CERS3: variants seen among roughly 807,000 people sequenced by gnomAD.
CERS3 encodes the protein LAG1 homolog, ceramide synthase 3.
In CERS3, 33 loss-of-function variants were observed where a neutral mutation model predicts 50.3. That is an observed-to-expected ratio of 0.66 (90% CI 0.50 to 0.88). CERS3 has a LOEUF of 0.88. Among genes scored for constraint, CERS3 ranks in the 40% least tolerant of loss-of-function variants. The pLI is 0.00. For missense variants in CERS3, 470 were observed against 460.3 expected (o/e 1.02, Z -0.19); for synonymous variants, 176 against 155.2 (o/e 1.13, Z -0.99).
intron 11 of CERS3, among the ~76,000 whole-genome samples, chr15:100,454,734 G>C (rs554171341): frequency 2.6e-5 from 4 of 152,188 alleles, no homozygotes; most frequent in Middle Eastern, 3.4e-3. Flanking sequence ...ATTAAACTAA[G>C]AAGCTTCTGT....
At chr15:100,467,915 T>C (rs1055196023) in intron 10 of CERS3, among the ~76,000 whole-genome samples, 2 of 146,216 alleles carry the variant, frequency 1.4e-5, no homozygotes, top group African/African-American at 2.6e-5. Flanking sequence ...AAAGACAGGG[T>C]CTCACTATGT....
intron 3 of CERS3, 135 bp from the exon 4 acceptor site, chr15:100,491,066 G>A: frequency 1.8e-6 from 1 of 564,820 alleles, no homozygotes. Context: ...GCTACGTACA[G>A]CCAAAATCTG....
intron 11 of CERS3, among the ~76,000 whole-genome samples, chr15:100,425,505 T>C (rs959081603): frequency 6.6e-6 from 1 of 152,174 alleles, no homozygotes; most frequent in African/African-American, 2.4e-5. Flanking sequence ...CAGACTTCCA[T>C]GGGGCCTGTA....
chr15:100,499,638 A>G (rs1333171282), intron 3 of CERS3, among the ~76,000 whole-genome samples: 3 of 152,242 alleles, frequency 2.0e-5, no homozygotes, highest in Non-Finnish European at 2.9e-5. Context: ...AATGCAGTCT[A>G]GAACAAAAGA....
At chr15:100,441,648 C>T (rs556560962) in intron 11 of CERS3, among the ~76,000 whole-genome samples, 19 of 152,220 alleles carry the variant, frequency 1.2e-4, no homozygotes, top group East Asian at 1.9e-4. Flanking sequence ...TCTGCAATGC[C>T]GCTTGACCCC....
At chr15:100,525,310 A>G (rs982106327) in intron 1 of CERS3, among the ~76,000 whole-genome samples, 14 of 152,200 alleles carry the variant, frequency 9.2e-5, no homozygotes, top group African/African-American at 2.9e-4. Flanking sequence ...ATCTCCACAG[A>G]TTTTCCAGTG....
chr15:100,418,453 G>C (rs960774839), intron 11 of CERS3, among the ~76,000 whole-genome samples: 5 of 149,860 alleles, frequency 3.3e-5, no homozygotes, highest in African/African-American at 1.2e-4. Context: ...ATCTACGTCT[G>C]ATTGGTGTAC....
intron 1 of CERS3, among the ~76,000 whole-genome samples, chr15:100,540,671 A>G (rs1176056410): frequency 6.6e-6 from 1 of 152,224 alleles, no homozygotes; most frequent in African/African-American, 2.4e-5. Context: ...CTGCAATACA[A>G]CTTGATCAGA....
chr15:100,472,963 G>T lies in CERS3; in HGVS notation c.699C>A (p.Leu233=), dbSNP rs923695523. 3 of 1,613,888 alleles carry T rather than the reference G, an allele frequency of 1.9e-6. No homozygotes were observed. The South Asian group carries it at 3.3e-5, about 18-fold the overall frequency. The change falls in exon 9 of 12, where the codon CTC becomes CTA. Residue 233 remains leucine, a synonymous_variant. Coordinates refer to ENST00000679737, the MANE Select transcript of CERS3 (RefSeq NM_001378789.1). ...WCANYIRSGT[L]VMIVHDVADI... is the part of the protein sequence containing the mutation. ...CAGCCACATCGTGTACAATCATCAC[G>T]AGGGTCCCACTGCGAATATAATTAG...
intron 7 of CERS3, among the ~76,000 whole-genome samples, chr15:100,477,602 G>C (rs750979214): frequency 6.6e-6 from 1 of 152,192 alleles, no homozygotes; most frequent in Non-Finnish European, 1.5e-5. Flanking sequence ...TTCTTGAGAA[G>C]TACTGTAGGC....
chr15:100,473,050 A>G lies in CERS3; in HGVS notation c.612T>C (p.Asp204=). The stretch of plus-strand genomic sequence containing the variant: ...GGTGGTGGATGATATGAGCTAGAAA[A>G]TCCTGTAAGATGAGGGAAAATGGAA... The part of the protein sequence containing the change: ...FRLGFDVKRK[D]FLAHIIHHLA... Residue 204 remains aspartate, a splice_region_variant and synonymous_variant, in exon 9 of 12, where the codon GAT becomes GAC. Transcript: ENST00000679737. 1 of 1,611,666 alleles carries G rather than the reference A, an allele frequency of 6.2e-7. No homozygotes were observed.
chr15:100,506,218 T>C (rs1245604962), intron 2 of CERS3, among the ~76,000 whole-genome samples: 1 of 152,136 alleles, frequency 6.6e-6, no homozygotes, highest in Non-Finnish European at 1.5e-5. Flanking sequence ...GTGGTTAGAA[T>C]ATGTAAAGGA....
At chr15:100,420,550 G>C (rs937735502) in intron 11 of CERS3, among the ~76,000 whole-genome samples, 6 of 151,854 alleles carry the variant, frequency 4.0e-5, no homozygotes, top group Admixed American at 2.0e-4. Context: ...CCAATCAATA[G>C]AAAAAGAGGG....
At chr15:100,510,313 T>C (rs1156680177) in intron 2 of CERS3, among the ~76,000 whole-genome samples, 1 of 152,186 alleles carries the variant, frequency 6.6e-6, no homozygotes, top group Non-Finnish European at 1.5e-5. Context: ...TATCCTATAC[T>C]GTAATGAAGA....
intron 10 of CERS3, among the ~76,000 whole-genome samples, chr15:100,464,100 C>T (rs1422019854): frequency 6.6e-6 from 1 of 152,120 alleles, no homozygotes; most frequent in Non-Finnish European, 1.5e-5. Context: ...TTTTTCTACA[C>T]TTGTAATAGC....
rs12437474 is a variant in CERS3 at position 100,479,588 on chromosome 15, C to A, written c.466-110G>T. ...TCTTCCTTATGTCATTTACAGCAGGCAAAGATGCACAGGAAATTGACCTTT... is the reference window on the plus strand; with the variant it reads ...TCTTCCTTATGTCATTTACAGCAGGAAAAGATGCACAGGAAATTGACCTTT... On this transcript the variant is annotated intron_variant, in intron 6 of 11. Transcript: ENST00000679737. 91,227 of 732,078 alleles carry A rather than the reference C, an allele frequency of 0.12. 6,484 individuals are homozygous for A. The highest frequency in any genetic ancestry group is 0.25 in the Admixed American group (9,170 of 36,842). The allele number at this position is 732,078 out of a possible 1,614,324, so 45.3% of individuals were successfully genotyped here.
At chr15:100,496,770 C>T (rs192724454) in intron 3 of CERS3, among the ~76,000 whole-genome samples, 11 of 152,248 alleles carry the variant, frequency 7.2e-5, no homozygotes, top group Admixed American at 5.2e-4. Context: ...AATTCTAGGA[C>T]TTACTTAAGA....
chr15:100,420,724 C>G (rs2032360934), intron 11 of CERS3, among the ~76,000 whole-genome samples: 1 of 151,550 alleles, frequency 6.6e-6, no homozygotes, highest in African/African-American at 2.4e-5. Flanking sequence ...CATCAAAAAG[C>G]TTATCCACCA....
rs747911784 is a variant in CERS3, at chr15:100,490,882, G to T, written c.223C>A (p.Arg75=). 5.6e-6 allele frequency: 9 copies of T among 1,611,164 alleles called. No individual in the cohort carries two copies. The South Asian group carries it at 8.8e-5, about 16-fold the overall frequency. Residue 75 remains arginine, a synonymous_variant, in exon 4 of 12, where the codon CGA becomes AGA. Transcript: ENST00000679737. ...AKSFGIKETV[R]KVTPNTVLEN... Reference sequence around the variant, plus strand: ...AAGACAGTATTTGGTGTAACCTTTCGAACTGTCTCTTTAATGCCAAATGAT... The same window carrying T: ...AAGACAGTATTTGGTGTAACCTTTCTAACTGTCTCTTTAATGCCAAATGAT...
Sources: gnomAD v4.1 joint callset for allele counts (sites outside exome capture counted in the v4.1 genomes callset) on GRCh38, gnomAD v4.1.1 for gene constraint, MANE v1.5 for transcripts, NCBI Gene and HGNC (gene_info 2026-07-23, HGNC 2026-07-21) for gene names.